MSH3: variants seen among roughly 807,000 people sequenced by gnomAD.
MSH3 encodes the protein DNA mismatch repair protein Msh3.
In MSH3, 106 loss-of-function variants were observed where a neutral mutation model predicts 123.3. That is an observed-to-expected ratio of 0.86 (90% CI 0.73 to 1.01). The LOEUF is 1.01. MSH3 is among the 50% of genes least tolerant of loss of function. The pLI is 0.00. For missense variants in MSH3, 1,459 were observed against 1,347.6 expected, an observed-to-expected ratio of 1.08 and a Z score of -1.29; for synonymous variants, 515 against 481.4, an observed-to-expected ratio of 1.07 and a Z score of -0.91.
chr5:80,755,645 AACTGAGGG>A (rs764886940), intron 12 of MSH3, among the ~76,000 whole-genome samples: 6 of 152,146 alleles, frequency 3.9e-5, no homozygotes, highest in Non-Finnish European at 8.8e-5. Flanking sequence ...ATAAGGGAAG[AACTGAGGG>A]AACAGATGGA....
chr5:80,704,671 A>G (rs1750680087), intron 8 of MSH3, among the ~76,000 whole-genome samples: 1 of 152,146 alleles, frequency 6.6e-6, no homozygotes, highest in Non-Finnish European at 1.5e-5. Context: ...AGAGATTTTC[A>G]CTTTGCAAAC....
At chr5:80,679,410 T>G (rs1467535817) in intron 8 of MSH3, among the ~76,000 whole-genome samples, 2 of 152,120 alleles carry the variant, frequency 1.3e-5, no homozygotes, top group Non-Finnish European at 2.9e-5. Context: ...TACTATCACC[T>G]TAATGTAGAA....
chr5:80,690,966 A>G (rs1357945889), intron 8 of MSH3, among the ~76,000 whole-genome samples: 1 of 151,978 alleles, frequency 6.6e-6, no homozygotes, highest in East Asian at 1.9e-4. Flanking sequence ...AATTCCTATC[A>G]TGTTTGTAAT....
intron 12 of MSH3, among the ~76,000 whole-genome samples, chr5:80,753,642 C>T (rs554285169): frequency 6.6e-6 from 1 of 152,222 alleles, no homozygotes; most frequent in Admixed American, 6.5e-5. Flanking sequence ...CACAAAGACC[C>T]CAAAAAGTCT....
At chr5:80,764,512 A>C (rs1238392222) in intron 13 of MSH3, among the ~76,000 whole-genome samples, 4 of 144,496 alleles carry the variant, frequency 2.8e-5, no homozygotes, top group African/African-American at 2.6e-5. Context: ...CACCATGCCC[A>C]GCTATTTTTT....
At chr5:80,839,425 G>T (rs1273388285) in intron 20 of MSH3, among the ~76,000 whole-genome samples, 1 of 152,096 alleles carries the variant, frequency 6.6e-6, no homozygotes, top group Non-Finnish European at 1.5e-5. Context: ...CTGTATATCT[G>T]GGCACGCTCT....
chr5:80,780,580 A>G (rs1307195437), intron 17 of MSH3, among the ~76,000 whole-genome samples: 1 of 152,104 alleles, frequency 6.6e-6, no homozygotes, highest in African/African-American at 2.4e-5. Context: ...TTAAAACCAT[A>G]AACAGGCCAG....
At chr5:80,790,124 T>G (rs889255725) in intron 18 of MSH3, among the ~76,000 whole-genome samples, 1 of 152,158 alleles carries the variant, frequency 6.6e-6, no homozygotes, top group Non-Finnish European at 1.5e-5. Flanking sequence ...CTTTAAAAAT[T>G]TACTCTAGCT....
chr5:80,785,496 T>G (rs957414686), intron 17 of MSH3, among the ~76,000 whole-genome samples: 3 of 152,108 alleles, frequency 2.0e-5, no homozygotes, highest in African/African-American at 7.2e-5. Context: ...GGAACACTTT[T>G]ACACTGTTGG....
intron 20 of MSH3, among the ~76,000 whole-genome samples, chr5:80,830,248 A>G (rs780047685): frequency 1.2e-4 from 18 of 151,886 alleles, no homozygotes; most frequent in Non-Finnish European, 2.4e-4. Flanking sequence ...TAATCTCATC[A>G]TTTATTGTCT....
At chr5:80,813,543 CTT>C in intron 19 of MSH3, 39 bp from the exon 20 acceptor site, 1 of 1,610,034 alleles carries the variant, frequency 6.2e-7, no homozygotes, top group Non-Finnish European at 8.5e-7. Context: ...TTATCAAAAA[CTT>C]TTCTGGTACA....
At position 80,672,264 on chromosome 5, in the gene MSH3, T is replaced by C; in HGVS notation, c.813T>C (p.Asn271=). ...EDAEIAAREL[N]IYCHLDHNFM... is the part of the protein sequence containing the mutation. ...TTTAGATTGCAGCCCGAGAGCTCAATATTTATTGCCATTTAGATCACAACT... is the reference window on the plus strand; with the variant it reads ...TTTAGATTGCAGCCCGAGAGCTCAACATTTATTGCCATTTAGATCACAACT... Residue 271 remains asparagine, a synonymous_variant, in exon 5 of 24, where the codon AAT becomes AAC. Transcript: ENST00000265081. 2 of 1,613,542 alleles carry C rather than the reference T, an allele frequency of 1.2e-6. No individual in the cohort carries two copies. Among genetic ancestry groups the C allele is most frequent in the East Asian group, 4.5e-5 (2 of 44,870 alleles).
chr5:80,766,341 T>C (rs1203532922), intron 13 of MSH3, among the ~76,000 whole-genome samples: 1 of 103,658 alleles, frequency 9.6e-6, no homozygotes, highest in African/African-American at 4.4e-5. Flanking sequence ...TTTTTTTCCT[T>C]TTTTTTTTTT....
chr5:80,843,093 A>G (rs1249118531), intron 20 of MSH3, among the ~76,000 whole-genome samples: 1 of 152,056 alleles, frequency 6.6e-6, no homozygotes, highest in African/African-American at 2.4e-5. Flanking sequence ...TATCTAGTTT[A>G]TTGAGAGTTT....
intron 19 of MSH3, among the ~76,000 whole-genome samples, chr5:80,809,071 G>A (rs935808504): frequency 2.0e-5 from 3 of 151,418 alleles, no homozygotes; most frequent in African/African-American, 7.3e-5. Context: ...GGGACTTCAT[G>A]TGGCTGCTTT....
intron 12 of MSH3, among the ~76,000 whole-genome samples, chr5:80,758,321 A>G (rs1053536164): frequency 4.6e-5 from 7 of 152,188 alleles, no homozygotes; most frequent in Non-Finnish European, 1.0e-4. Flanking sequence ...AAAATTTGTA[A>G]CGATGTGGTA....
At chr5:80,824,333 C>T (rs1338699484) in intron 20 of MSH3, among the ~76,000 whole-genome samples, 1 of 151,822 alleles carries the variant, frequency 6.6e-6, no homozygotes, top group Non-Finnish European at 1.5e-5. Flanking sequence ...CCCCCCACCT[C>T]CCTCCCGGAC....
chr5:80,711,750 G>A, intron 8 of MSH3, among the ~76,000 whole-genome samples: 1 of 151,938 alleles, frequency 6.6e-6, no homozygotes, highest in Non-Finnish European at 1.5e-5. Context: ...CGCCTCCTGG[G>A]TTCAAGCGAT....
At position 80,703,222 on chromosome 5, in the gene MSH3, T is replaced by TTA. The variant is rs1391683244; in HGVS notation, c.1341-22231_1341-22230insTA. On this transcript the variant is annotated intron_variant, in intron 8 of 23. Transcript: ENST00000265081. ...AACATTGGGCAGTTGAGGAAGTACT[T>TTA]GATAAAGTGATTAGTGCCCTTTTTA... Among the ~76,000 whole-genome samples the TTA allele has an allele frequency of 2.0e-5, 3 of 152,346 alleles. No individual in the cohort carries two copies. The South Asian group carries it at 6.2e-4, about 32-fold the overall frequency.
Sources: gnomAD v4.1 joint callset for allele counts (sites outside exome capture counted in the v4.1 genomes callset) on GRCh38, gnomAD v4.1.1 for gene constraint, MANE v1.5 for transcripts, NCBI Gene and HGNC (gene_info 2026-07-23, HGNC 2026-07-21) for gene names.